The following CHEK1 variants were observed in gnomAD, a reference collection of about 807,000 sequenced individuals.
CHEK1 encodes serine/threonine-protein kinase Chk1.
In CHEK1, 32 loss-of-function variants were observed where a neutral mutation model predicts 60.2. The observed-to-expected ratio is 0.53, with a 90% CI of 0.40 to 0.71. The LOEUF is 0.71. Among genes scored for constraint, CHEK1 ranks in the 30% least tolerant of loss-of-function variants. CHEK1 has a pLI of 0.00. For missense variants in CHEK1, 399 were observed against 564.6 expected, an observed-to-expected ratio of 0.71 and a Z score of 2.97; for synonymous variants, 179 against 187.2, an observed-to-expected ratio of 0.96 and a Z score of 0.36.
downstream of CHEK1, among the ~76,000 whole-genome samples, chr11:125,657,421 C>G (rs1199376607): frequency 1.6e-4 from 25 of 151,974 alleles, no homozygotes; most frequent in Non-Finnish European, 1.5e-5. Flanking sequence ...ATTTACAGAC[C>G]CTTAAGAACT....
intron 7 of CHEK1, 76 bp downstream of exon 7, chr11:125,635,609 CT>C (rs567544596): frequency 0.012 from 9,750 of 807,650 alleles, no homozygotes; most frequent in South Asian, 0.018. Context: ...TTTTTTCTTA[CT>C]TTTTTTTTTG....
At chr11:125,633,455 G>A in intron 6 of CHEK1, 104 bp downstream of exon 6, 1 of 1,086,086 alleles carries the variant, frequency 9.2e-7, no homozygotes, top group East Asian at 3.1e-5. Flanking sequence ...AATAGTTTTT[G>A]TTTTCTTTTT....
chr11:125,628,415 G>A (rs1289452299), intron 3 of CHEK1, among the ~76,000 whole-genome samples: 1 of 152,094 alleles, frequency 6.6e-6, no homozygotes, highest in Non-Finnish European at 1.5e-5. Flanking sequence ...ATAATTTAAA[G>A]CTATTGTATT....
chr11:125,674,750 T>C (rs1027141816), intron 13 of CHEK1, among the ~76,000 whole-genome samples: 1 of 152,198 alleles, frequency 6.6e-6, no homozygotes, highest in African/African-American at 2.4e-5. Context: ...TTTGTGAGGA[T>C]TAAATGATAA....
intron 8 of CHEK1, chr11:125,642,917 G>A (rs1941358735): frequency 6.6e-6 from 1 of 152,046 alleles, no homozygotes; most frequent in Non-Finnish European, 1.5e-5. Flanking sequence ...GTGGAGAAAA[G>A]GAAAGGAAAC....
At chr11:125,643,968 G>GT (rs1368359668) in intron 9 of CHEK1, 68 bp downstream of exon 9, 11 of 1,530,648 alleles carry the variant, frequency 7.2e-6, no homozygotes, top group Non-Finnish European at 9.9e-6. Context: ...ACATGTATGT[G>GT]TTTTTTCATA....
chr11:125,627,223 G>C (rs1323687737), intron 2 of CHEK1, among the ~76,000 whole-genome samples: 3 of 151,974 alleles, frequency 2.0e-5, no homozygotes, highest in Non-Finnish European at 4.4e-5. Context: ...CTACCTTTAG[G>C]GTGGCAATAA....
chr11:125,654,916 C>T lies in CHEK1; in HGVS notation c.1336-309C>T, dbSNP rs550889732. ...ATTGTTAGTTTCCAAACCCTCACTG[C>T]CTATGGAATGTAATGACTTAGGTCC... is the stretch of plus-strand genomic sequence containing the variant. On this transcript the variant is annotated intron_variant, in intron 12 of 12. Transcript: ENST00000438015. Among the ~76,000 whole-genome samples, 7 of 152,278 alleles carry T rather than the reference C, an allele frequency of 4.6e-5. No homozygotes were observed. In the South Asian group the frequency reaches 6.2e-4, roughly 14 times the overall value.
At chr11:125,641,875 A>C (rs1240179696) in intron 8 of CHEK1, among the ~76,000 whole-genome samples, 3 of 152,156 alleles carry the variant, frequency 2.0e-5, no homozygotes, top group African/African-American at 7.2e-5. Context: ...AAAGTGAATT[A>C]GAATATATCA....
Position 125,668,837 on chromosome 11 carries a change from A to T in CHEK1, c.*28-7091A>T, listed in dbSNP as rs556514765. Among the ~76,000 whole-genome samples, 10 of 152,198 alleles carry T rather than the reference A, an allele frequency of 6.6e-5. 1 individual carries two copies. ...CTCCTAAAGTTCTGAGATTACAGGT[A>T]TAAGCCACCGTCCCCAGCCTTCATT... On this transcript the variant is annotated intron_variant, in intron 13 of 13. Coordinates refer to the CHEK1 transcript ENST00000428830.
rs1019701350 is a variant in CHEK1 at position 125,653,048 on chromosome 11, G to C, written c.1234-698G>C. 6.6e-6 allele frequency among the ~76,000 whole-genome samples: 1 copy of C among 151,990 alleles called. No homozygotes were observed. The highest frequency in any genetic ancestry group is 2.4e-5 in the African/African-American group (1 of 41,354). On this transcript the variant is annotated intron_variant, in intron 11 of 12. Coordinates refer to ENST00000438015, the MANE Select transcript of CHEK1 (RefSeq NM_001114122.3). The surrounding 1 kb of genome is among the most constrained non-coding windows in gnomAD (Gnocchi z 4.3). ...ACAGTTTTTTTGTTTCCACATATGA[G>C]TGAGAACATGTGATGTTTAATTTTC...
At chr11:125,658,711 T>TTTTTTTTTTTTTTTTTTC (rs1941962602), downstream of CHEK1, among the ~76,000 whole-genome samples, 1 of 73,422 alleles carries the variant, frequency 1.4e-5, no homozygotes, top group African/African-American at 5.2e-5. Flanking sequence ...TTTTTTTTTT[T>TTTTTTTTTTTTTTTTTTC]AAGAGTCTTG....
At chr11:125,673,706 C>A (rs1289256184) in intron 13 of CHEK1, among the ~76,000 whole-genome samples, 1 of 152,164 alleles carries the variant, frequency 6.6e-6, no homozygotes, top group Non-Finnish European at 1.5e-5. Flanking sequence ...CTCCCCAAAC[C>A]TGCTTGTTTT....
chr11:125,638,203 A>G (rs1006328272), intron 8 of CHEK1, among the ~76,000 whole-genome samples: 2 of 152,176 alleles, frequency 1.3e-5, no homozygotes, highest in Non-Finnish European at 2.9e-5. Context: ...TGACATAGTC[A>G]TATCTTCGGT....
chr11:125,639,101 G>A (rs1193926850), intron 8 of CHEK1, among the ~76,000 whole-genome samples: 3 of 151,858 alleles, frequency 2.0e-5, no homozygotes, highest in Non-Finnish European at 4.4e-5. Context: ...ACTGCTTTGC[G>A]TTCATCATCT....
intron 12 of CHEK1, 84 bp from the exon 13 acceptor site, chr11:125,655,141 C>G: frequency 1.0e-6 from 1 of 970,306 alleles, no homozygotes; most frequent in Non-Finnish European, 1.6e-6. Flanking sequence ...TCTCTTGTTA[C>G]CACTACAAAG....
intron 11 of CHEK1, 23 bp downstream of exon 11, chr11:125,644,666 A>T: frequency 3.1e-6 from 5 of 1,606,104 alleles, no homozygotes; most frequent in Non-Finnish European, 4.2e-6. Flanking sequence ...GATTTTCATT[A>T]TACCTTTTCC....
chr11:125,642,299 G>A (rs538080027), intron 8 of CHEK1, among the ~76,000 whole-genome samples: 2 of 152,070 alleles, frequency 1.3e-5, no homozygotes, highest in South Asian at 2.1e-4. Flanking sequence ...AATCCAACAC[G>A]TTTCTTCATT....
intron 13 of CHEK1, chr11:125,672,274 G>A: frequency 4.2e-6 from 1 of 235,360 alleles, no homozygotes. Context: ...GTGGAAGGAA[G>A]CTCATGTTGA....
Sources: gnomAD v4.1 joint callset for allele counts (sites outside exome capture counted in the v4.1 genomes callset) on GRCh38, gnomAD v4.1.1 for gene constraint, Gnocchi (gnomAD v3.1) non-coding constraint, MANE v1.5 for transcripts, NCBI Gene and HGNC (gene_info 2026-07-23, HGNC 2026-07-21) for gene names.